The following NCAPD3 variants were observed in gnomAD, a reference collection of about 807,000 sequenced individuals.
The protein encoded by NCAPD3 is condensin-2 complex subunit D3.
Under a neutral mutation model 182.9 loss-of-function variants are expected in NCAPD3, and 105 were observed. The observed-to-expected ratio is 0.57, with a 90% CI of 0.49 to 0.68. The LOEUF (loss-of-function observed/expected upper bound fraction) is 0.68. NCAPD3 is among the 30% of genes least tolerant of loss of function. The probability of loss-of-function intolerance (pLI) is 0.00; values close to 1 mark genes in which losing one functional copy is unlikely to be tolerated. For missense variants in NCAPD3, 1,944 were observed against 1,837.0 expected (o/e 1.06, Z -1.07); for synonymous variants, 815 against 679.9 (o/e 1.20, Z -3.09).
rs143145542 is a variant in NCAPD3 at position 134,160,472 on chromosome 11, C to T, written c.3685-398G>A. Among the ~76,000 whole-genome samples the T allele has an allele frequency of 6.7e-3, 1,015 of 152,252 alleles. 5 individuals are homozygous for T. Among genetic ancestry groups the T allele is most frequent in the South Asian group, 0.029 (142 of 4,822 alleles). The stretch of plus-strand genomic sequence containing the variant: ...GGGAGAAAGACATGCTCAGACACAG[C>T]CTCTGGAGCAAGTCCCAGGATGCAT... On this transcript the variant is annotated intron_variant, in intron 28 of 34. Coordinates refer to ENST00000534548, the MANE Select transcript of NCAPD3 (RefSeq NM_015261.3).
chr11:134,166,939 C>G (rs79284908), intron 27 of NCAPD3, among the ~76,000 whole-genome samples: 1 of 99,878 alleles, frequency 1.0e-5, no homozygotes, highest in Non-Finnish European at 1.9e-5. Flanking sequence ...CTTAGGGGAG[C>G]TGCACACTCA....
intron 29 of NCAPD3, among the ~76,000 whole-genome samples, chr11:134,159,316 T>G (rs977124758): frequency 6.6e-6 from 1 of 152,244 alleles, no homozygotes; most frequent in Non-Finnish European, 1.5e-5. Context: ...TTTAACACTT[T>G]ATTGGAATAG....
In NCAPD3 at chr11:134,178,690, T is replaced by TG. The variant is rs770284236; in HGVS notation, c.2725dup (p.Gln909ProfsTer12). 19 of 1,600,136 alleles carry TG rather than the reference T, an allele frequency of 1.2e-5. No homozygotes were observed. Among genetic ancestry groups the TG allele is most frequent in the East Asian group, 2.2e-5 (1 of 44,664 alleles). On this transcript the variant is annotated frameshift_variant, in exon 22 of 35. Transcript: ENST00000534548. LOFTEE classifies it high-confidence loss of function. Reference sequence around the variant, plus strand: ...AGAGGGCATGACAGAACCTCTGACCTGGGGGGGTGGCTGAGACGCTGGGGC... The same window carrying TG: ...AGAGGGCATGACAGAACCTCTGACCTGGGGGGGGTGGCTGAGACGCTGGGGC...
Position 134,203,200 on chromosome 11 carries a change from TA to T in NCAPD3, c.1469-3del, listed in dbSNP as rs1944785540. 1.3e-6 allele frequency: 2 copies of T among 1,589,544 alleles called. No individual in the cohort carries two copies. The highest frequency in any genetic ancestry group is 1.7e-6 in the Non-Finnish European group (2 of 1,158,426). ...TCTCTATTACAGAAAACGTAGGACC[TA>T]AAAACAAGAAGAAAGATAAGAAGGA... On this transcript the variant is annotated splice_region_variant and splice_polypyrimidine_tract_variant and intron_variant, in intron 11 of 34. Transcript: ENST00000534548.
intron 13 of NCAPD3, among the ~76,000 whole-genome samples, chr11:134,196,280 A>G (rs1944626232): frequency 6.6e-6 from 1 of 152,236 alleles, no homozygotes; most frequent in Admixed American, 6.5e-5. Context: ...CAAGTTTTAG[A>G]AAGACACAAA....
At chr11:134,166,972 G>C (rs1943838967) in intron 27 of NCAPD3, among the ~76,000 whole-genome samples, 1 of 130,964 alleles carries the variant, frequency 7.6e-6, no homozygotes, top group African/African-American at 3.1e-5. Context: ...GCTTAGGGGA[G>C]CTGCACACTC....
At position 134,194,031 on chromosome 11, in the gene NCAPD3, A is replaced by G. The variant is rs1161762916; in HGVS notation, c.1809T>C (p.Leu603=). The change falls in exon 15 of 35, where the codon CTT becomes CTC. Residue 603 remains leucine, a synonymous_variant. Transcript: ENST00000534548. ...VSVRKQALQS[L]TELLMAQPRC... is the part of the protein sequence containing the mutation. Reference sequence around the variant, plus strand: ...TGCCTCTCACCATAAGGAGTTCAGTAAGAGACTGGAGGGCCTGCTTCCGGA... The same window carrying G: ...TGCCTCTCACCATAAGGAGTTCAGTGAGAGACTGGAGGGCCTGCTTCCGGA... 2 of 1,613,968 alleles carry G rather than the reference A, an allele frequency of 1.2e-6. No individual in the cohort carries two copies. Among genetic ancestry groups the G allele is most frequent in the South Asian group, 1.1e-5 (1 of 91,074 alleles).
chr11:134,223,284 G>C (rs894848670), intron 1 of NCAPD3: 2 of 616,788 alleles, frequency 3.2e-6, no homozygotes, highest in Non-Finnish European at 5.9e-6. Flanking sequence ...CTATGATGAA[G>C]GCAGCAGCAT....
intron 19 of NCAPD3, among the ~76,000 whole-genome samples, chr11:134,181,405 A>C (rs1455317306): frequency 6.6e-6 from 1 of 152,220 alleles, no homozygotes; most frequent in African/African-American, 2.4e-5. Context: ...AGAACGGTGT[A>C]TATATCATCT....
intron 8 of NCAPD3, 78 bp from the exon 9 acceptor site, chr11:134,205,049 G>C (rs1029416584): frequency 9.2e-7 from 1 of 1,084,558 alleles, no homozygotes; most frequent in African/African-American, 1.6e-5. Flanking sequence ...CCTATATTTA[G>C]AAATCCTAGT....
chr11:134,160,031 G>A lies in NCAPD3; in HGVS notation c.3728C>T (p.Ala1243Val). The change falls in exon 29 of 35, where the codon GCA becomes GTA. Residue 1243 changes from alanine (A) to valine (V), a missense_variant. Ala to Val is a moderately conservative substitution (Grantham distance 64). This residue lies in a region of NCAPD3 where 1,803 missense variants were observed against 1,674.6 expected (regional missense o/e 1.08). Transcript: ENST00000534548. ...DYRDELKDFF[A>V]VDKQLASELE... is the part of the protein sequence containing the mutation. ...CTCTGATGCCAGCTGTTTGTCAACT[G>A]CAAAGAAGTCCTTGAGCTCATCTCG... The A allele has an allele frequency of 6.2e-7, 1 of 1,614,082 alleles. No homozygotes were observed.
chr11:134,208,801 C>A, intron 7 of NCAPD3, 63 bp downstream of exon 7: 2 of 1,073,608 alleles, frequency 1.9e-6, no homozygotes, highest in South Asian at 2.8e-5. Flanking sequence ...AACATATTTC[C>A]ATCATATGGT....
chr11:134,184,619 G>A lies in NCAPD3; in HGVS notation c.2451+18C>T, dbSNP rs918577317. On this transcript the variant is annotated intron_variant, in intron 19 of 34. Transcript: ENST00000534548. ...GCTCAAAGAAGTCAGAAACATGTCA[G>A]GGAAAGTCTGGCCATACCTGCTCCT... 1 of 1,546,532 alleles carries A rather than the reference G, an allele frequency of 6.5e-7. No homozygotes were observed. Among genetic ancestry groups the A allele is most frequent in the African/African-American group, 1.4e-5 (1 of 72,592 alleles).
chr11:134,161,988 C>T, intron 27 of NCAPD3, 97 bp from the exon 28 acceptor site: 1 of 615,696 alleles, frequency 1.6e-6, no homozygotes, highest in Non-Finnish European at 2.8e-6. Context: ...CCCTACCACA[C>T]TATGTAAGTT....
intron 16 of NCAPD3, chr11:134,185,958 A>C (rs948300587): frequency 6.9e-6 from 1 of 145,448 alleles, no homozygotes; most frequent in East Asian, 2.0e-4. Flanking sequence ...CCCAGGCTGG[A>C]GTGCAATGGC....
intron 19 of NCAPD3, among the ~76,000 whole-genome samples, chr11:134,183,557 G>A (rs1944340774): frequency 6.6e-6 from 1 of 152,138 alleles, no homozygotes; most frequent in Admixed American, 6.5e-5. Flanking sequence ...GACAGAGTGA[G>A]ACTCCATCTC....
intron 15 of NCAPD3, 114 bp from the exon 16 acceptor site, chr11:134,193,023 A>G (rs1433260985): frequency 3.2e-6 from 2 of 634,472 alleles, no homozygotes; most frequent in Non-Finnish European, 5.4e-6. Flanking sequence ...TAGACCATAG[A>G]GTGAAAAAAG....
intron 27 of NCAPD3, among the ~76,000 whole-genome samples, chr11:134,166,910 C>A (rs1186596359): frequency 9.0e-6 from 1 of 111,618 alleles, no homozygotes; most frequent in African/African-American, 3.6e-5. Context: ...TTGGGGGAGG[C>A]GCACACTCGT....
At chr11:134,171,264 G>A (rs143414763) in intron 24 of NCAPD3, among the ~76,000 whole-genome samples, 1 of 152,122 alleles carries the variant, frequency 6.6e-6, no homozygotes, top group Non-Finnish European at 1.5e-5. Flanking sequence ...AACACAAAGG[G>A]AAGACCAGCT....
Sources: gnomAD v4.1 joint callset for allele counts (sites outside exome capture counted in the v4.1 genomes callset) on GRCh38, gnomAD v4.1.1 for gene constraint, gnomAD v4.1.1 regional missense constraint, MANE v1.5 for transcripts, NCBI Gene and HGNC (gene_info 2026-07-23, HGNC 2026-07-21) for gene names.